Variants in PTPRD observed in about 807,000 individuals in gnomAD.
PTPRD encodes the protein protein tyrosine phosphatase receptor type D.
Under a neutral mutation model 214.5 loss-of-function variants are expected in PTPRD, and 34 were observed. That is an observed-to-expected ratio of 0.16 (90% CI 0.12 to 0.21). PTPRD has a LOEUF of 0.21. Ranked by LOEUF, PTPRD falls within the 10% of genes least tolerant of loss-of-function variation. The pLI, the probability that PTPRD is intolerant of heterozygous loss-of-function variation, is 1.00. For synonymous variants in PTPRD, 1,128 were observed against 845.7 expected (o/e 1.33, Z -5.79); for missense variants, 2,545 against 2,398.7 (o/e 1.06, Z -1.27).
At chr9:8,559,728 T>A (rs2085411621) in intron 14 of PTPRD, among the ~76,000 whole-genome samples, 5 of 152,346 alleles carry the variant, frequency 3.3e-5, no homozygotes, top group South Asian at 2.1e-4. Flanking sequence ...CCTTTCAAAC[T>A]GACACCTGTG....
intron 2 of PTPRD, among the ~76,000 whole-genome samples, chr9:10,516,590 G>T (rs1163534889): frequency 6.6e-6 from 1 of 151,774 alleles, no homozygotes; most frequent in African/African-American, 2.4e-5. Context: ...AGACATACTT[G>T]TTTATTTTCT....
chr9:10,238,311 G>C (rs140753112), intron 3 of PTPRD, among the ~76,000 whole-genome samples: 177 of 151,876 alleles, frequency 1.2e-3, no homozygotes, highest in African/African-American at 4.1e-3. Flanking sequence ...CAACCTACTA[G>C]GACTCTAAGA....
intron 3 of PTPRD, among the ~76,000 whole-genome samples, chr9:10,047,398 C>A (rs1433219049): frequency 6.7e-6 from 1 of 149,934 alleles, no homozygotes; most frequent in Admixed American, 6.7e-5. Flanking sequence ...CTGGCATTTG[C>A]TGAACACACA....
At chr9:10,122,153 C>G (rs2154249292) in intron 3 of PTPRD, among the ~76,000 whole-genome samples, 1 of 152,068 alleles carries the variant, frequency 6.6e-6, no homozygotes, top group African/African-American at 2.4e-5. Context: ...ACTAAAAATA[C>G]AAAAATTAGC....
intron 11 of PTPRD, among the ~76,000 whole-genome samples, chr9:8,863,587 T>G (rs1449824238): frequency 6.6e-6 from 1 of 152,216 alleles, no homozygotes; most frequent in Non-Finnish European, 1.5e-5. Flanking sequence ...ATTTCAGTGT[T>G]TCCTAACAAA....
chr9:9,339,644 C>G (rs566248946), intron 9 of PTPRD, among the ~76,000 whole-genome samples: 1 of 152,096 alleles, frequency 6.6e-6, no homozygotes, highest in Admixed American at 6.5e-5. Flanking sequence ...CAATTTTATT[C>G]AATTATTTAC....
intron 35 of PTPRD, among the ~76,000 whole-genome samples, chr9:8,434,263 G>A (rs954524731): frequency 1.3e-5 from 2 of 152,174 alleles, no homozygotes; most frequent in East Asian, 1.9e-4. Context: ...TTACACAAGT[G>A]AGCCACTGCG....
intron 9 of PTPRD, among the ~76,000 whole-genome samples, chr9:9,366,276 C>A (rs190266872): frequency 6.6e-6 from 1 of 151,462 alleles, no homozygotes; most frequent in African/African-American, 2.4e-5. Flanking sequence ...AGCAGGGATT[C>A]TTTTTGGTGA....
intron 14 of PTPRD, among the ~76,000 whole-genome samples, chr9:8,620,827 G>A (rs959991004): frequency 2.6e-5 from 4 of 151,956 alleles, no homozygotes; most frequent in African/African-American, 9.7e-5. Context: ...TGTGATTCAG[G>A]AAAGACATTC....
intron 7 of PTPRD, among the ~76,000 whole-genome samples, chr9:9,685,667 T>G (rs1381004648): frequency 6.6e-6 from 1 of 151,178 alleles, no homozygotes; most frequent in African/African-American, 2.4e-5. Context: ...AGCTACAGAT[T>G]AGAATTGGCT....
At chr9:9,466,395 A>C (rs2094158590) in intron 8 of PTPRD, among the ~76,000 whole-genome samples, 1 of 152,216 alleles carries the variant, frequency 6.6e-6, no homozygotes, top group Non-Finnish European at 1.5e-5. Flanking sequence ...TATGAATCAT[A>C]TACTATACAA....
chr9:10,269,944 T>C (rs140717763), intron 3 of PTPRD, among the ~76,000 whole-genome samples: 409 of 152,222 alleles, frequency 2.7e-3, no homozygotes, highest in African/African-American at 9.4e-3. Flanking sequence ...ATGACAGAAA[T>C]TATAAGATTC....
chr9:10,523,601 G>GTATATATATTTATATATATATATATA (rs2053145468), intron 2 of PTPRD, among the ~76,000 whole-genome samples: 1 of 64,336 alleles, frequency 1.6e-5, no homozygotes, highest in African/African-American at 5.1e-5. Context: ...ATATTTATCT[G>GTATATATATTTATATATATATATATA]TATATATATA....
At chr9:8,699,084 C>G (rs3817201) in intron 12 of PTPRD, among the ~76,000 whole-genome samples, 2 of 152,186 alleles carry the variant, frequency 1.3e-5, no homozygotes, top group African/African-American at 4.8e-5. Flanking sequence ...AAAATGCACA[C>G]TCTTTTTTCA....
chr9:9,211,080 AGTGT>A (rs142322627), intron 9 of PTPRD, among the ~76,000 whole-genome samples: 1 of 150,684 alleles, frequency 6.6e-6, no homozygotes, highest in African/African-American at 2.4e-5. Context: ...CATGTGTGTG[AGTGT>A]GTGTGTGTGT....
At chr9:9,343,733 T>C (rs1211223797) in intron 9 of PTPRD, among the ~76,000 whole-genome samples, 2 of 152,132 alleles carry the variant, frequency 1.3e-5, no homozygotes, top group Non-Finnish European at 2.9e-5. Context: ...CTTTTTTTTT[T>C]TGAGGACTTC....
intron 7 of PTPRD, among the ~76,000 whole-genome samples, chr9:9,718,148 A>T (rs1264874915): frequency 6.6e-6 from 1 of 152,212 alleles, no homozygotes; most frequent in Non-Finnish European, 1.5e-5. Context: ...CAAATACAAC[A>T]AATACTTGAG....
At chr9:9,492,146 A>C (rs927397761) in intron 8 of PTPRD, among the ~76,000 whole-genome samples, 1 of 151,970 alleles carries the variant, frequency 6.6e-6, no homozygotes, top group Non-Finnish European at 1.5e-5. Context: ...AACCTAGATG[A>C]AATGAACAAA....
intron 9 of PTPRD, among the ~76,000 whole-genome samples, chr9:9,269,408 A>T (rs188572155): frequency 1.6e-4 from 24 of 151,394 alleles, no homozygotes; most frequent in Admixed American, 4.6e-4. Context: ...GTTGGTAGGA[A>T]TGTAAAGTTG....
Sources: allele counts gnomAD v4.1 joint callset (sites outside exome capture counted in the v4.1 genomes callset), GRCh38; gene constraint gnomAD v4.1.1; transcripts MANE v1.5; gene names NCBI Gene and HGNC (gene_info 2026-07-23, HGNC 2026-07-21).